The following POLE variants were observed in gnomAD, a reference collection of about 807,000 sequenced individuals.
POLE encodes the protein DNA polymerase epsilon, catalytic subunit.
In POLE, 188 loss-of-function variants were observed where a neutral mutation model predicts 279.2. The observed-to-expected ratio is 0.67, with a 90% CI of 0.60 to 0.76. The LOEUF (loss-of-function observed/expected upper bound fraction) is 0.76. POLE is among the 30% of genes least tolerant of loss of function. The pLI is 0.00. For missense variants in POLE, 2,703 were observed against 3,016.7 expected (o/e 0.90, Z 2.44); for synonymous variants, 1,214 against 1,172.5 (o/e 1.04, Z -0.72).
In POLE at chr12:132,635,876, A is replaced by G. The variant is rs115381003; in HGVS notation, c.5811+16T>C. The stretch of plus-strand genomic sequence containing the variant: ...CCCCCAAAGCTGGCTCGGGTGCCAC[A>G]CTGCAGCTCGCTTACCAGTCCACAG... On this transcript the variant is annotated intron_variant, in intron 42 of 48. Transcript: ENST00000320574. 1,193 of 1,600,006 alleles carry G rather than the reference A, an allele frequency of 7.5e-4. 8 individuals carry two copies. In the African/African-American group the frequency reaches 0.014, roughly 19 times the overall value.
Position 132,664,811 on chromosome 12 carries a change from C to T in POLE, c.2469-349G>A, listed in dbSNP as rs2042754679. Among the ~76,000 whole-genome samples, 1 of 152,118 alleles carries T rather than the reference C, an allele frequency of 6.6e-6. No individual in the cohort carries two copies. The highest frequency in any genetic ancestry group is 1.5e-5 in the Non-Finnish European group (1 of 68,008). ...CAAGCCCCATTCTCACCTCCAGCTT[C>T]TCAGAGAAAGCCCAGGCCTAGCTGC... is the stretch of plus-strand genomic sequence containing the variant. On this transcript the variant is annotated intron_variant, in intron 21 of 48. Coordinates refer to ENST00000320574, the MANE Select transcript of POLE (RefSeq NM_006231.4). This position sits in a 1 kb window ranked among gnomAD's most constrained non-coding sequence, Gnocchi z 5.3.
chr12:132,663,938 G>A (rs1395405605), intron 23 of POLE, 66 bp downstream of exon 23: 2 of 1,568,800 alleles, frequency 1.3e-6, no homozygotes, highest in Admixed American at 1.7e-5. Flanking sequence ...GTGCTGCAGA[G>A]CCAGTGACAT....
chr12:132,675,935 GC>G lies in POLE; in HGVS notation c.1021-116del. 1 of 958,288 alleles carries G rather than the reference GC, an allele frequency of 1.0e-6. No homozygotes were observed. The allele number at this position is 958,288 out of a possible 1,614,324, so 59.4% of individuals were successfully genotyped here. A position where few individuals can be genotyped will look rare whatever the true frequency, so the allele number is the denominator to read the frequency against. ...TCATGTTGGCCCTTATTCCTGCCCC[GC>G]CCCTCCGCCCGTCTCTGGCAGAAAA... is the stretch of plus-strand genomic sequence containing the variant. On this transcript the variant is annotated intron_variant, in intron 10 of 48. Coordinates refer to ENST00000320574, the MANE Select transcript of POLE (RefSeq NM_006231.4). This position sits in a 1 kb window ranked among gnomAD's most constrained non-coding sequence, Gnocchi z 4.3.
At position 132,635,881 on chromosome 12, in the gene POLE, A is replaced by G; in HGVS notation, c.5811+11T>C. ...AAAGCTGGCTCGGGTGCCACACTGC[A>G]GCTCGCTTACCAGTCCACAGTGAAT... is the stretch of plus-strand genomic sequence containing the variant. On this transcript the variant is annotated intron_variant, in intron 42 of 48. Transcript: ENST00000320574. 1 of 1,604,542 alleles carries G rather than the reference A, an allele frequency of 6.2e-7. No individual in the cohort carries two copies. Among genetic ancestry groups the G allele is most frequent in the Non-Finnish European group, 8.5e-7 (1 of 1,173,920 alleles).
intron 45 of POLE, among the ~76,000 whole-genome samples, chr12:132,632,081 C>T (rs143114185): frequency 2.0e-5 from 3 of 152,304 alleles, no homozygotes; most frequent in Non-Finnish European, 2.9e-5. Context: ...ACCTTGCACA[C>T]GCTGGCACCC....
At chr12:132,681,893 CG>C (rs1384556927) in intron 1 of POLE, among the ~76,000 whole-genome samples, 1 of 152,134 alleles carries the variant, frequency 6.6e-6, no homozygotes, top group African/African-American at 2.4e-5. Context: ...ATAAAACAGA[CG>C]GATTGTCAGG....
At chr12:132,659,579 C>A in intron 25 of POLE, 70 bp from the exon 26 acceptor site, 1 of 1,320,226 alleles carries the variant, frequency 7.6e-7, no homozygotes, top group South Asian at 1.3e-5. Context: ...CTGGACTGTG[C>A]TCCTCTAGGC....
rs777438368 is a variant in POLE at position 132,624,986 on chromosome 12, C to G, written c.6666G>C (p.Leu2222=). The part of the protein sequence containing the change: ...MAFTLQDLVC[L]KCRGVKETSM... Reference sequence around the variant, plus strand: ...TGGTCTCCTTCACCCCGCGGCACTTCAGGCAGACCTGAAAGGGAGCAGCCC... The same window carrying G: ...TGGTCTCCTTCACCCCGCGGCACTTGAGGCAGACCTGAAAGGGAGCAGCCC... The change falls in exon 48 of 49, where the codon CTG becomes CTC. Residue 2222 remains leucine, a synonymous_variant. Coordinates refer to ENST00000320574, the MANE Select transcript of POLE (RefSeq NM_006231.4). The G allele has an allele frequency of 1.2e-6, 2 of 1,613,726 alleles. No individual in the cohort carries two copies. The highest frequency in any genetic ancestry group is 1.7e-6 in the Non-Finnish European group (2 of 1,179,850).
chr12:132,646,722 C>T (rs1442932543), intron 32 of POLE, among the ~76,000 whole-genome samples: 2 of 151,990 alleles, frequency 1.3e-5, no homozygotes, highest in Non-Finnish European at 2.9e-5. Context: ...ATCCCAGCTA[C>T]TTGGGAGGCT....
At chr12:132,628,414 G>A (rs926940770) in intron 45 of POLE, among the ~76,000 whole-genome samples, 21 of 152,090 alleles carry the variant, frequency 1.4e-4, no homozygotes, top group African/African-American at 4.3e-4. Flanking sequence ...AGGCCAAGGC[G>A]GGTGGATCAC....
chr12:132,664,271 C>A lies in POLE; in HGVS notation c.2561+99G>T, dbSNP rs533547989. On this transcript the variant is annotated intron_variant, in intron 22 of 48. Transcript: ENST00000320574. This position sits in a 1 kb window ranked among gnomAD's most constrained non-coding sequence, Gnocchi z 5.3. ...GGCCTCCAGCCTTCCCTCCTTCCTTCCTGCCCAGTGTGTGGCCTCCAGCCT... is the reference window on the plus strand; with the variant it reads ...GGCCTCCAGCCTTCCCTCCTTCCTTACTGCCCAGTGTGTGGCCTCCAGCCT... The A allele has an allele frequency of 6.9e-6, 9 of 1,296,960 alleles. No homozygotes were observed. The highest frequency in any genetic ancestry group is 3.9e-4 in the Middle Eastern group (2 of 5,068). The allele number at this position is 1,296,960 out of a possible 1,614,324, so 80.3% of individuals were successfully genotyped here.
In POLE at chr12:132,642,975, T is replaced by TG; in HGVS notation, c.4572dup (p.Ser1525GlnfsTer20). On this transcript the variant is annotated frameshift_variant, in exon 36 of 49. Coordinates refer to ENST00000320574, the MANE Select transcript of POLE (RefSeq NM_006231.4). LOFTEE classifies it high-confidence loss of function. ...TCTGCTGAGTACAGGGCGCCAAGGCTGGGCATCTGGTTGCTGCGCACCTAG... is the reference window on the plus strand; with the variant it reads ...TCTGCTGAGTACAGGGCGCCAAGGCTGGGGCATCTGGTTGCTGCGCACCTAG... 3.8e-6 allele frequency: 6 copies of TG among 1,594,426 alleles called. No individual in the cohort carries two copies. The highest frequency in any genetic ancestry group is 5.1e-6 in the Non-Finnish European group (6 of 1,173,956).
chr12:132,663,188 C>CT (rs914703779), intron 23 of POLE, among the ~76,000 whole-genome samples: 3 of 152,232 alleles, frequency 2.0e-5, no homozygotes, highest in Non-Finnish European at 2.9e-5. Flanking sequence ...TCCAGAAACT[C>CT]TGACAGCCCT....
At chr12:132,632,559 G>C in intron 44 of POLE, 51 bp from the exon 45 acceptor site, 1 of 1,606,556 alleles carries the variant, frequency 6.2e-7, no homozygotes, top group Non-Finnish European at 8.5e-7. Flanking sequence ...TCTGGCACTG[G>C]GGACCTCCCA....
intron 20 of POLE, among the ~76,000 whole-genome samples, chr12:132,666,101 G>A (rs548927786): frequency 1.3e-5 from 2 of 152,332 alleles, no homozygotes; most frequent in South Asian, 2.1e-4. Flanking sequence ...ACCAAAAGCA[G>A]AGACCTGAAG....
At chr12:132,649,962 G>T in intron 29 of POLE, 73 bp from the exon 30 acceptor site, 2 of 1,384,676 alleles carry the variant, frequency 1.4e-6, no homozygotes, top group Non-Finnish European at 2.0e-6. Context: ...TGGAATGCCA[G>T]CACTTTGGGA....
chr12:132,672,279 G>T lies in POLE; in HGVS notation c.1730C>A (p.Thr577Asn), dbSNP rs1418781426. The T allele has an allele frequency of 6.2e-7, 1 of 1,614,234 alleles. No homozygotes were observed. The highest frequency in any genetic ancestry group is 2.2e-5 in the East Asian group (1 of 44,892). The change falls in exon 16 of 49, where the codon ACC becomes AAC. Residue 577 changes from threonine (T) to asparagine (N), a missense_variant. By Grantham distance (65) the Thr-to-Asn change is moderately conservative. This residue lies in a region of POLE where 1,011 missense variants were observed against 1,111.7 expected (regional missense o/e 0.91). Coordinates refer to ENST00000320574, the MANE Select transcript of POLE (RefSeq NM_006231.4). ...FDFLLQRVEK[T>N]LRHALEEEEK... ...CTCTTCCTCAAGGGCGTGGCGCAAGGTCTTCTCAACCCGCTGCAGCAGGAA... is the reference window on the plus strand; with the variant it reads ...CTCTTCCTCAAGGGCGTGGCGCAAGTTCTTCTCAACCCGCTGCAGCAGGAA...
chr12:132,676,240 G>A, intron 9 of POLE, 36 bp from the exon 10 acceptor site: 1 of 1,453,762 alleles, frequency 6.9e-7, no homozygotes, highest in Non-Finnish European at 9.6e-7. Flanking sequence ...ACAAGTCAGA[G>A]GCTGCAAAGC....
intron 9 of POLE, 87 bp downstream of exon 9, chr12:132,676,459 C>G: frequency 2.2e-6 from 2 of 899,384 alleles, no homozygotes; most frequent in Non-Finnish European, 3.7e-6. Flanking sequence ...TCAACAAATA[C>G]TAACAGTGGG....
Sources: allele counts gnomAD v4.1 joint callset (sites outside exome capture counted in the v4.1 genomes callset), GRCh38; gene constraint gnomAD v4.1.1; regional missense constraint gnomAD v4.1.1; non-coding constraint Gnocchi (gnomAD v3.1); transcripts MANE v1.5; gene names NCBI Gene and HGNC (gene_info 2026-07-23, HGNC 2026-07-21).